Variants in DOCK3 observed in about 807,000 individuals in gnomAD.
The protein encoded by DOCK3 is dedicator of cytokinesis 3.
In DOCK3, 60 loss-of-function variants were observed where a neutral mutation model predicts 265.6. The observed-to-expected ratio is 0.23, with a 90% CI of 0.18 to 0.28. The LOEUF is 0.28. DOCK3 is among the 10% of genes least tolerant of loss of function. The pLI, the probability that DOCK3 is intolerant of heterozygous loss-of-function variation, is 1.00. For missense variants in DOCK3, 1,981 were observed against 2,594.3 expected (o/e 0.76, Z 5.14); for synonymous variants, 881 against 938.0 (o/e 0.94, Z 1.11).
At chr3:50,992,539 C>T (rs976092561) in intron 5 of DOCK3, among the ~76,000 whole-genome samples, 13 of 152,300 alleles carry the variant, frequency 8.5e-5, no homozygotes, top group East Asian at 1.9e-4. Flanking sequence ...TCAGGTGATC[C>T]GCACGCCTCA....
chr3:51,009,110 A>G (rs570392328), intron 5 of DOCK3, among the ~76,000 whole-genome samples: 1 of 152,288 alleles, frequency 6.6e-6, no homozygotes, highest in Admixed American at 6.5e-5. Context: ...AGGCTTTGGT[A>G]TCGGGATGAT....
chr3:51,233,346 CTATCTATCTATCTATT>C (rs1463904319), intron 19 of DOCK3, among the ~76,000 whole-genome samples: 4 of 81,888 alleles, frequency 4.9e-5, no homozygotes, highest in Admixed American at 3.2e-4. Context: ...ATCTATCTAT[CTATCTATCTATCTATT>C]TATTTATTTA....
intron 18 of DOCK3, 39 bp from the exon 19 acceptor site, chr3:51,229,473 G>T: frequency 1.4e-6 from 2 of 1,446,954 alleles, no homozygotes; most frequent in South Asian, 1.4e-5. Context: ...AGAATATCCA[G>T]GTTTCAAGGG....
chr3:50,853,563 AT>A (rs541975724), intron 3 of DOCK3, among the ~76,000 whole-genome samples: 5 of 150,626 alleles, frequency 3.3e-5, no homozygotes, highest in East Asian at 2.0e-4. Flanking sequence ...AACTTGTGGT[AT>A]TTTTTTTTCT....
intron 4 of DOCK3, among the ~76,000 whole-genome samples, chr3:50,899,782 T>G (rs1259699910): frequency 6.6e-6 from 1 of 152,208 alleles, no homozygotes; most frequent in Non-Finnish European, 1.5e-5. Context: ...AATTCTTTTC[T>G]TTAAGAATGT....
intron 1 of DOCK3, among the ~76,000 whole-genome samples, chr3:50,775,484 A>T (rs1175197759): frequency 2.0e-5 from 3 of 151,520 alleles, no homozygotes; most frequent in African/African-American, 4.8e-5. Flanking sequence ...CTTTTTTCCT[A>T]ATTAGTTTTT....
chr3:51,374,398 A>C lies in DOCK3; in HGVS notation c.5294-71A>C. 1 of 1,430,412 alleles carries C rather than the reference A, an allele frequency of 7.0e-7. No individual in the cohort carries two copies. The highest frequency in any genetic ancestry group is 9.7e-7 in the Non-Finnish European group (1 of 1,032,886). 88.6% of individuals were successfully genotyped at this position (1,430,412 alleles called of 1,614,324 possible). ...CACCTACCCTGGTTCCCTAGTCCTG[A>C]GGATGCTTGACTGCTGGACCCTCCA... On this transcript the variant is annotated intron_variant, in intron 49 of 52. Transcript: ENST00000266037. The surrounding 1 kb of genome is among the most constrained non-coding windows in gnomAD (Gnocchi z 4.8).
chr3:51,170,287 A>G (rs1049421516), intron 12 of DOCK3, among the ~76,000 whole-genome samples: 2 of 149,914 alleles, frequency 1.3e-5, no homozygotes, highest in Admixed American at 7.0e-5. Flanking sequence ...TGATCCCTTC[A>G]CTTCATTTTT....
At chr3:51,072,232 C>T (rs1468617645) in intron 6 of DOCK3, among the ~76,000 whole-genome samples, 2 of 152,124 alleles carry the variant, frequency 1.3e-5, no homozygotes, top group Non-Finnish European at 2.9e-5. Context: ...GGGAGGGCGG[C>T]TGACTGTACA....
intron 38 of DOCK3, among the ~76,000 whole-genome samples, chr3:51,341,984 T>C (rs1576868564): frequency 6.6e-6 from 1 of 152,260 alleles, no homozygotes; most frequent in East Asian, 1.9e-4. Context: ...GGGAGAGCTC[T>C]GTGTGGCGCC....
intron 14 of DOCK3, among the ~76,000 whole-genome samples, chr3:51,224,713 T>C (rs1451181338): frequency 6.6e-6 from 1 of 152,158 alleles, no homozygotes; most frequent in Non-Finnish European, 1.5e-5. Flanking sequence ...CTTTGAAGTT[T>C]GTTGCCCCCA....
chr3:51,010,021 G>T (rs1161369450), intron 5 of DOCK3, among the ~76,000 whole-genome samples: 4 of 152,168 alleles, frequency 2.6e-5, no homozygotes, highest in African/African-American at 9.7e-5. Flanking sequence ...ATTTGCTGAG[G>T]AGTGCTTTAC....
At chr3:51,127,433 TA>T (rs1338136895) in intron 9 of DOCK3, among the ~76,000 whole-genome samples, 1 of 152,182 alleles carries the variant, frequency 6.6e-6, no homozygotes, top group East Asian at 1.9e-4. Context: ...AATAAGGTCA[TA>T]ATTAAGCCCA....
chr3:51,340,959 G>A (rs2085196700), intron 37 of DOCK3, among the ~76,000 whole-genome samples: 1 of 152,214 alleles, frequency 6.6e-6, no homozygotes, highest in Non-Finnish European at 1.5e-5. Flanking sequence ...AGATTTTTGG[G>A]TAGCTGAACC....
intron 2 of DOCK3, among the ~76,000 whole-genome samples, chr3:50,818,273 G>C (rs2044205502): frequency 6.6e-6 from 1 of 152,194 alleles, no homozygotes; most frequent in African/African-American, 2.4e-5. Context: ...ACCGTACTCA[G>C]GCCTCCTGAA....
Position 51,217,612 on chromosome 3 carries a change from C to T in DOCK3, c.1252+3365C>T, listed in dbSNP as rs73833999. ...CTTCCAAACTCATTTTATTAAAGTA[C>T]AAAAGCTAATAATAACTCTATGGCA... is the stretch of plus-strand genomic sequence containing the variant. On this transcript the variant is annotated intron_variant, in intron 14 of 52. Transcript: ENST00000266037. Among the ~76,000 whole-genome samples, 963 of 152,268 alleles carry T rather than the reference C, an allele frequency of 6.3e-3. 13 individuals are homozygous for T. The highest frequency in any genetic ancestry group is 0.022 in the African/African-American group (926 of 41,550).
chr3:50,961,179 T>C (rs1264277485), intron 5 of DOCK3, among the ~76,000 whole-genome samples: 1 of 152,220 alleles, frequency 6.6e-6, no homozygotes, highest in East Asian at 1.9e-4. Flanking sequence ...CCATATTGCT[T>C]TGGCTATTTT....
At chr3:50,994,326 C>T (rs1559911418) in intron 5 of DOCK3, among the ~76,000 whole-genome samples, 2 of 152,148 alleles carry the variant, frequency 1.3e-5, no homozygotes, top group Admixed American at 1.3e-4. Flanking sequence ...TCTATATTCT[C>T]TTTTACTTCT....
At chr3:51,331,752 G>A (rs890757627) in intron 33 of DOCK3, among the ~76,000 whole-genome samples, 1 of 152,092 alleles carries the variant, frequency 6.6e-6, no homozygotes, top group Non-Finnish European at 1.5e-5. Context: ...GAACCCAGGA[G>A]TTCGAGACTA....
Sources: gnomAD v4.1 joint callset for allele counts (sites outside exome capture counted in the v4.1 genomes callset) on GRCh38, gnomAD v4.1.1 for gene constraint, Gnocchi (gnomAD v3.1) non-coding constraint, MANE v1.5 for transcripts, NCBI Gene and HGNC (gene_info 2026-07-23, HGNC 2026-07-21) for gene names.